MBOAT1: variants seen among roughly 807,000 people sequenced by gnomAD.
MBOAT1 encodes the protein membrane-bound glycerophospholipid O-acyltransferase 1.
Under a neutral mutation model 64.4 loss-of-function variants are expected in MBOAT1, and 67 were observed. That is an observed-to-expected ratio of 1.04 (90% CI 0.85 to 1.27). The LOEUF is 1.27. Among genes scored for constraint, MBOAT1 ranks in the 50% most tolerant of loss-of-function variants. The pLI is 0.00. For missense variants in MBOAT1, 563 were observed against 604.6 expected, an observed-to-expected ratio of 0.93 and a Z score of 0.72; for synonymous variants, 229 against 218.9, an observed-to-expected ratio of 1.05 and a Z score of -0.41.
intron 10 of MBOAT1, among the ~76,000 whole-genome samples, chr6:20,113,782 G>A (rs1489006226): frequency 6.6e-6 from 1 of 151,076 alleles, no homozygotes; most frequent in African/African-American, 2.4e-5. Context: ...TTTACTAAAT[G>A]AGAGGTCAAA....
rs118002992 is a variant in MBOAT1 at position 20,186,851 on chromosome 6, G to T, written c.99+25285C>A. On this transcript the variant is annotated intron_variant, in intron 1 of 12. Transcript: ENST00000324607. ...GATCAATTTCTAGTTAATTTAACAG[G>T]TTCTACACTCTGACATGGAGAAAGC... 3.2e-4 allele frequency among the ~76,000 whole-genome samples: 49 copies of T among 152,254 alleles called. No homozygotes were observed. The East Asian group carries it at 7.5e-3, about 23-fold the overall frequency.
chr6:20,167,412 T>C (rs142314629), intron 1 of MBOAT1, among the ~76,000 whole-genome samples: 42 of 152,330 alleles, frequency 2.8e-4, no homozygotes, highest in Non-Finnish European at 5.0e-4. Context: ...CTTGCCAGCA[T>C]AGGGGGCTGT....
At chr6:20,180,711 A>G (rs1762483600) in intron 1 of MBOAT1, among the ~76,000 whole-genome samples, 1 of 152,228 alleles carries the variant, frequency 6.6e-6, no homozygotes, top group Non-Finnish European at 1.5e-5. Flanking sequence ...TCTGGCTTTT[A>G]AATTTGACAC....
chr6:20,132,062 T>C (rs1760845226), intron 4 of MBOAT1, among the ~76,000 whole-genome samples: 1 of 152,176 alleles, frequency 6.6e-6, no homozygotes, highest in African/African-American at 2.4e-5. Flanking sequence ...TTTGTATTTT[T>C]TGTAGAGACT....
chr6:20,197,217 G>A (rs1198179509), intron 1 of MBOAT1, among the ~76,000 whole-genome samples: 2 of 152,052 alleles, frequency 1.3e-5, no homozygotes, highest in Non-Finnish European at 2.9e-5. Flanking sequence ...CTCCCATGTA[G>A]CTGGGCTTAG....
intron 10 of MBOAT1, 136 bp from the exon 11 acceptor site, chr6:20,113,144 G>T: frequency 2.9e-6 from 3 of 1,044,960 alleles, no homozygotes; most frequent in Non-Finnish European, 4.0e-6. Flanking sequence ...CGTCTTCGGG[G>T]ACTTGCAGTG....
At chr6:20,109,901 A>AAT in intron 11 of MBOAT1, 152 bp from the exon 12 acceptor site, 2 of 297,930 alleles carry the variant, frequency 6.7e-6, no homozygotes, top group Non-Finnish European at 5.7e-6. Flanking sequence ...TACCATCAGG[A>AAT]CTTTTTTTTT....
chr6:20,193,152 C>G (rs1762856309), intron 1 of MBOAT1, among the ~76,000 whole-genome samples: 1 of 151,514 alleles, frequency 6.6e-6, no homozygotes. Flanking sequence ...ACTACAGGTG[C>G]CCGCCACCGC....
intron 12 of MBOAT1, among the ~76,000 whole-genome samples, chr6:20,106,510 C>T (rs1341310651): frequency 1.3e-5 from 2 of 152,106 alleles, no homozygotes; most frequent in Non-Finnish European, 2.9e-5. Context: ...GCAATCTCCA[C>T]CTGCCGGGTT....
At chr6:20,178,877 G>A (rs769513951) in intron 1 of MBOAT1, among the ~76,000 whole-genome samples, 2 of 151,824 alleles carry the variant, frequency 1.3e-5, no homozygotes, top group Non-Finnish European at 2.9e-5. Flanking sequence ...TCAGAAGATC[G>A]TATTAATGAT....
Position 20,152,694 on chromosome 6 carries a change from T to C in MBOAT1, c.175A>G (p.Thr59Ala), listed in dbSNP as rs1162601911. Residue 59 changes from threonine (T) to alanine (A), a missense_variant, in exon 2 of 13, where the codon ACC becomes GCC. Physicochemically the swap from Thr to Ala is moderately conservative, Grantham distance 58. Coordinates refer to ENST00000324607, the MANE Select transcript of MBOAT1 (RefSeq NM_001080480.3). Reference protein sequence around the residue: ...WFRIYLRPGTTSSDVRHAVAT... With the variant: ...WFRIYLRPGTASSDVRHAVAT... ...ACCGCATGCCGGACATCAGAGCTGG[T>C]TGTACCAGGACGTAAGTAGATGCGA... 1.2e-6 allele frequency: 2 copies of C among 1,612,134 alleles called. No individual in the cohort carries two copies. Among genetic ancestry groups the C allele is most frequent in the Admixed American group, 1.7e-5 (1 of 59,998 alleles).
intron 8 of MBOAT1, among the ~76,000 whole-genome samples, chr6:20,121,316 G>A (rs767214532): frequency 2.6e-5 from 4 of 152,196 alleles, no homozygotes; most frequent in Non-Finnish European, 4.4e-5. Context: ...ACTATTCATT[G>A]CTTCTTTATT....
chr6:20,113,104 T>G (rs1349651167), intron 10 of MBOAT1, 96 bp from the exon 11 acceptor site: 1 of 1,434,344 alleles, frequency 7.0e-7, no homozygotes, highest in Non-Finnish European at 9.3e-7. Flanking sequence ...AGAAAGCATT[T>G]GGTTGTTACT....
At chr6:20,141,401 A>G (rs973120492) in intron 4 of MBOAT1, among the ~76,000 whole-genome samples, 1 of 125,856 alleles carries the variant, frequency 7.9e-6, no homozygotes, top group Non-Finnish European at 1.6e-5. Flanking sequence ...TTGCTCTGTC[A>G]CCCAGGCTAG....
At chr6:20,135,099 G>A (rs551717518) in intron 4 of MBOAT1, among the ~76,000 whole-genome samples, 11 of 151,842 alleles carry the variant, frequency 7.2e-5, no homozygotes, top group Non-Finnish European at 1.5e-4. Context: ...GGATTTAAAC[G>A]CACTTGTCAA....
chr6:20,205,385 T>C (rs56883200), intron 1 of MBOAT1, among the ~76,000 whole-genome samples: 48,315 of 152,072 alleles, frequency 0.32, 8,167 homozygotes, highest in East Asian at 0.56. Context: ...ACAGGTAAAC[T>C]GAGGCCAAGC....
chr6:20,115,468 A>T, intron 9 of MBOAT1, 116 bp from the exon 10 acceptor site: 3 of 781,862 alleles, frequency 3.8e-6, no homozygotes, highest in Non-Finnish European at 6.5e-6. Flanking sequence ...GTGACTGCTC[A>T]CAGTTGAGAG....
rs566461726 is a variant in MBOAT1 at position 20,114,674 on chromosome 6, G to A, written c.1076+614C>T. ...AAGGTGGGTAGATCACCTGAGGTCA[G>A]GAGTTCGAGATCAGCCTAGCCCACA... On this transcript the variant is annotated intron_variant, in intron 10 of 12. Transcript: ENST00000324607. Among the ~76,000 whole-genome samples, 17 of 152,244 alleles carry A rather than the reference G, an allele frequency of 1.1e-4. No homozygotes were observed. In the South Asian group the frequency reaches 3.5e-3, roughly 32 times the overall value.
In MBOAT1 at chr6:20,152,698, A is replaced by T; in HGVS notation, c.171T>A (p.Gly57=). 6.2e-7 allele frequency: 1 copy of T among 1,612,276 alleles called. No homozygotes were observed. The highest frequency in any genetic ancestry group is 8.5e-7 in the Non-Finnish European group (1 of 1,178,740). Residue 57 remains glycine, a synonymous_variant, in exon 2 of 13, where the codon GGT becomes GGA. Transcript: ENST00000324607. ...CATGCCGGACATCAGAGCTGGTTGT[A>T]CCAGGACGTAAGTAGATGCGAAACC... ...AFWFRIYLRP[G]TTSSDVRHAV...
Sources: gnomAD v4.1 joint callset for allele counts (sites outside exome capture counted in the v4.1 genomes callset) on GRCh38, gnomAD v4.1.1 for gene constraint, MANE v1.5 for transcripts, NCBI Gene and HGNC (gene_info 2026-07-23, HGNC 2026-07-21) for gene names.